The following KIFC1 variants were observed in gnomAD, a reference collection of about 807,000 sequenced individuals.
KIFC1 encodes kinesin-like protein KIFC1.
Under a neutral mutation model 66.6 loss-of-function variants are expected in KIFC1, and 37 were observed. That is an observed-to-expected ratio of 0.56 (90% CI 0.43 to 0.73). The LOEUF (loss-of-function observed/expected upper bound fraction) is 0.73, where lower values mean the gene tolerates loss of function less well. Among genes scored for constraint, KIFC1 ranks in the 30% least tolerant of loss-of-function variants. KIFC1 has a pLI of 0.00. For synonymous variants in KIFC1, 325 were observed against 343.5 expected (o/e 0.95, Z 0.60); for missense variants, 721 against 859.8 (o/e 0.84, Z 2.02).
intron 10 of KIFC1, among the ~76,000 whole-genome samples, chr6:33,407,601 C>T (rs1488397176): frequency 6.6e-6 from 1 of 152,200 alleles, no homozygotes; most frequent in Admixed American, 6.5e-5. Context: ...TTTGTACATA[C>T]ATCATTTTGT....
intron 1 of KIFC1, among the ~76,000 whole-genome samples, chr6:33,395,978 C>T (rs187504726): frequency 2.6e-5 from 4 of 152,210 alleles, no homozygotes; most frequent in African/African-American, 9.6e-5. Context: ...TTCATTCCTT[C>T]AAAAACTGTA....
chr6:33,393,888 A>G (rs997608885), intron 1 of KIFC1, among the ~76,000 whole-genome samples: 27 of 151,994 alleles, frequency 1.8e-4, no homozygotes, highest in African/African-American at 6.5e-4. Context: ...CTGGGACTAC[A>G]GGCGCCTGCC....
intron 3 of KIFC1, among the ~76,000 whole-genome samples, chr6:33,399,521 C>T (rs1190428308): frequency 6.6e-6 from 1 of 152,188 alleles, no homozygotes; most frequent in East Asian, 1.9e-4. Context: ...AATGTACTTA[C>T]TGAAACCTAG....
chr6:33,406,111 G>T lies in KIFC1; in HGVS notation c.1537-85G>T. On this transcript the variant is annotated intron_variant, in intron 7 of 10. Coordinates refer to ENST00000428849, the MANE Select transcript of KIFC1 (RefSeq NM_002263.4). This position sits in a 1 kb window ranked among gnomAD's most constrained non-coding sequence, Gnocchi z 4.5. ...ACAGGCTAGAAAGCTTCAAGAGGGTGGGGGTGGGCTCTTATTCATTTCCAT... is the reference window on the plus strand; with the variant it reads ...ACAGGCTAGAAAGCTTCAAGAGGGTTGGGGTGGGCTCTTATTCATTTCCAT... 7.9e-7 allele frequency: 1 copy of T among 1,261,882 alleles called. No individual in the cohort carries two copies. Among genetic ancestry groups the T allele is most frequent in the South Asian group, 1.4e-5 (1 of 69,118 alleles). 78.2% of individuals were successfully genotyped at this position (1,261,882 alleles called of 1,614,324 possible). A position where few individuals can be genotyped will look rare whatever the true frequency, so the allele number is the denominator to read the frequency against.
At position 33,406,683 on chromosome 6, in the gene KIFC1, A is replaced by G; in HGVS notation, c.1901+18A>G. The G allele has an allele frequency of 1.9e-6, 3 of 1,613,874 alleles. No homozygotes were observed. The highest frequency in any genetic ancestry group is 2.5e-6 in the Non-Finnish European group (3 of 1,179,772). ...GCTAAGATGTGAGTGAAAGGGACAG[A>G]TGGAAGGGGTCAGGTAGGAACTGTG... On this transcript the variant is annotated intron_variant, in intron 9 of 10. Transcript: ENST00000428849. This position sits in a 1 kb window ranked among gnomAD's most constrained non-coding sequence, Gnocchi z 4.5.
At chr6:33,409,564 C>A in intron 10 of KIFC1, 82 bp from the exon 11 acceptor site, 2 of 1,342,058 alleles carry the variant, frequency 1.5e-6, no homozygotes, top group Non-Finnish European at 2.1e-6. Context: ...GCAGCCCTAG[C>A]ATTGGAGGAT....
intron 1 of KIFC1, among the ~76,000 whole-genome samples, chr6:33,397,385 C>G (rs1477673169): frequency 6.7e-6 from 1 of 150,024 alleles, no homozygotes; most frequent in Non-Finnish European, 1.5e-5. Flanking sequence ...GCAACCTCTG[C>G]CTCCCAGGTT....
chr6:33,405,230 C>T lies in KIFC1; in HGVS notation c.1135C>T (p.Pro379Ser). Residue 379 changes from proline to serine, a missense_variant, in exon 7 of 11, where the codon CCA becomes TCA. Pro to Ser is a moderately conservative substitution (Grantham distance 74). Coordinates refer to ENST00000428849, the MANE Select transcript of KIFC1 (RefSeq NM_002263.4). The surrounding 1 kb of genome is among the most constrained non-coding windows in gnomAD (Gnocchi z 5.4). ...TGATTTTTCCTTTGACCGGGTATTC[C>T]CACCAGGAAGTGGACAGGATGAAGT... The part of the protein sequence containing the change: ...RHDFSFDRVF[P>S]PGSGQDEVFE... The T allele has an allele frequency of 3.7e-6, 6 of 1,614,202 alleles. No homozygotes were observed. The highest frequency in any genetic ancestry group is 1.1e-5 in the South Asian group (1 of 91,088).
chr6:33,391,919 C>G lies in KIFC1; in HGVS notation c.-67C>G. 6.3e-7 allele frequency: 1 copy of G among 1,599,434 alleles called. No homozygotes were observed. On this transcript the variant is annotated 5_prime_UTR_variant, in exon 1 of 11. Coordinates refer to ENST00000428849, the MANE Select transcript of KIFC1 (RefSeq NM_002263.4). ...CGCGAGCGGGCGAGAGAACGCGAGT[C>G]CCAGGATCCCCGGCACCCAGTTCTC...
Position 33,391,989 on chromosome 6 carries a change from G to T in KIFC1, c.4G>T (p.Asp2Tyr), listed in dbSNP as rs756550103. The T allele has an allele frequency of 6.2e-7, 1 of 1,613,852 alleles. No homozygotes were observed. The highest frequency in any genetic ancestry group is 1.7e-5 in the Admixed American group (1 of 60,000). The change falls in exon 1 of 11, where the codon GAT (aspartate) becomes TAT (tyrosine). Residue 2 changes from aspartate (D) to tyrosine (Y), a missense_variant. By Grantham distance (160) the Asp-to-Tyr change is radical. Transcript: ENST00000428849. MDPQRSPLLEVK... is the reference protein window; with the variant it reads MYPQRSPLLEVK... The stretch of plus-strand genomic sequence containing the variant: ...CGCGTGTGGGACCGAGGTGGACATG[G>T]ATCCGCAGGTGAGTAGGGGCGGCGC...
Position 33,406,258 on chromosome 6 carries a change from A to G in KIFC1, c.1599A>G (p.Glu533=). Residue 533 remains glutamate, a synonymous_variant, in exon 8 of 11, where the codon GAA becomes GAG. Transcript: ENST00000428849. This position sits in a 1 kb window ranked among gnomAD's most constrained non-coding sequence, Gnocchi z 4.5. ...CTGTGGCCCGCACAGCCCAGAATGA[A>G]CGGTCATCACGCAGCCACAGTGTAT... ...NRAVARTAQN[E]RSSRSHSVFQ... is the part of the protein sequence containing the mutation. 3 of 1,614,082 alleles carry G rather than the reference A, an allele frequency of 1.9e-6. No individual in the cohort carries two copies. Among genetic ancestry groups the G allele is most frequent in the Non-Finnish European group, 2.5e-6 (3 of 1,180,016 alleles).
At chr6:33,409,529 A>T in intron 10 of KIFC1, 117 bp from the exon 11 acceptor site, 1 of 990,486 alleles carries the variant, frequency 1.0e-6, no homozygotes, top group Non-Finnish European at 1.6e-6. Flanking sequence ...CAGCCTTTGG[A>T]GGCCTTATTT....
At chr6:33,409,146 A>ATG (rs1775787151) in intron 10 of KIFC1, among the ~76,000 whole-genome samples, 1 of 152,162 alleles carries the variant, frequency 6.6e-6, no homozygotes, top group African/African-American at 2.4e-5. Context: ...AGCCTGGGCG[A>ATG]CAGAGCAAGA....
chr6:33,407,001 C>T (rs1481478950), intron 10 of KIFC1, 126 bp downstream of exon 10: 13 of 1,465,496 alleles, frequency 8.9e-6, no homozygotes, highest in Admixed American at 2.8e-5. Context: ...GTATCTGAGG[C>T]ACTGCTCACC....
In KIFC1 at chr6:33,405,926, A is replaced by G. The variant is rs1775626845; in HGVS notation, c.1537-270A>G. 6.6e-6 allele frequency among the ~76,000 whole-genome samples: 1 copy of G among 152,140 alleles called. No homozygotes were observed. The highest frequency in any genetic ancestry group is 2.4e-5 in the African/African-American group (1 of 41,416). On this transcript the variant is annotated intron_variant, in intron 7 of 10. Coordinates refer to ENST00000428849, the MANE Select transcript of KIFC1 (RefSeq NM_002263.4). The surrounding 1 kb of genome is among the most constrained non-coding windows in gnomAD (Gnocchi z 5.4). Reference sequence around the variant, plus strand: ...CCTCCTGGCTGTTCCTCAACCAGCTAGTCGTGCTCCCCATCTCAGGGCCTT... The same window carrying G: ...CCTCCTGGCTGTTCCTCAACCAGCTGGTCGTGCTCCCCATCTCAGGGCCTT...
chr6:33,404,493 G>C lies in KIFC1; in HGVS notation c.757-359G>C, dbSNP rs914984185. On this transcript the variant is annotated intron_variant, in intron 6 of 10. Coordinates refer to ENST00000428849, the MANE Select transcript of KIFC1 (RefSeq NM_002263.4). This position sits in a 1 kb window ranked among gnomAD's most constrained non-coding sequence, Gnocchi z 4.0. ...ACTCCTTCCTGGTGAGCACCAACTA[G>C]ATTAAGTTATTTGCAGTCTCTTAAA... Among the ~76,000 whole-genome samples the C allele has an allele frequency of 2.0e-5, 3 of 152,042 alleles. No homozygotes were observed. Among genetic ancestry groups the C allele is most frequent in the African/African-American group, 7.3e-5 (3 of 41,370 alleles).
chr6:33,408,083 TTAA>T (rs1775739078), intron 10 of KIFC1, among the ~76,000 whole-genome samples: 1 of 152,258 alleles, frequency 6.6e-6, no homozygotes, highest in Non-Finnish European at 1.5e-5. Context: ...TAACTTTTTA[TTAA>T]TGTTATACCA....
chr6:33,406,778 T>C lies in KIFC1; in HGVS notation c.1902-22T>C, dbSNP rs1237521393. 1 of 1,614,024 alleles carries C rather than the reference T, an allele frequency of 6.2e-7. No individual in the cohort carries two copies. Among genetic ancestry groups the C allele is most frequent in the Non-Finnish European group, 8.5e-7 (1 of 1,179,930 alleles). On this transcript the variant is annotated intron_variant, in intron 9 of 10. Coordinates refer to ENST00000428849, the MANE Select transcript of KIFC1 (RefSeq NM_002263.4). The surrounding 1 kb of genome is among the most constrained non-coding windows in gnomAD (Gnocchi z 4.5). ...CTCTGCTGGCCCCTAATGCTGGGGT[T>C]GGGCACATTGTCTTTTCATAGGCTC...
In KIFC1 at chr6:33,406,439, A is replaced by G. The variant is rs768427321; in HGVS notation, c.1780A>G (p.Ser594Gly). 52 of 1,602,312 alleles carry G rather than the reference A, an allele frequency of 3.2e-5. No homozygotes were observed. The highest frequency in any genetic ancestry group is 4.4e-5 in the Non-Finnish European group (51 of 1,172,210). ...CCTTCGGGAAACACAGGCCATTAACAGCAGCCTGTCCACGCTGGGGCTGGT... is the reference window on the plus strand; with the variant it reads ...CCTTCGGGAAACACAGGCCATTAACGGCAGCCTGTCCACGCTGGGGCTGGT... Reference protein sequence around the residue: ...ERLRETQAINSSLSTLGLVIM... With the variant: ...ERLRETQAINGSLSTLGLVIM... Residue 594 changes from serine (S) to glycine (G), a missense_variant, in exon 8 of 11, where the codon AGC (serine) becomes GGC (glycine). Ser to Gly is a moderately conservative substitution (Grantham distance 56). Transcript: ENST00000428849. The surrounding 1 kb of genome is among the most constrained non-coding windows in gnomAD (Gnocchi z 4.5).
Sources: allele counts gnomAD v4.1 joint callset (sites outside exome capture counted in the v4.1 genomes callset), GRCh38; gene constraint gnomAD v4.1.1; non-coding constraint Gnocchi (gnomAD v3.1); transcripts MANE v1.5; gene names NCBI Gene and HGNC (gene_info 2026-07-23, HGNC 2026-07-21).